Variants in DAGLA observed in about 807,000 individuals in gnomAD.
The protein encoded by DAGLA is diacylglycerol lipase alpha.
DAGLA carries 22 observed loss-of-function variants against 102.6 expected under a neutral mutation model. The ratio of observed to expected loss-of-function variants is 0.21; its 90% CI spans 0.15 to 0.31. DAGLA has a LOEUF of 0.31. DAGLA is among the 10% of genes least tolerant of loss of function. The pLI, the probability that DAGLA is intolerant of heterozygous loss-of-function variation, is 1.00. For synonymous variants in DAGLA, 578 were observed against 628.9 expected (o/e 0.92, Z 1.21); for missense variants, 927 against 1,446.6 (o/e 0.64, Z 5.83).
intron 16 of DAGLA, among the ~76,000 whole-genome samples, chr11:61,739,048 T>C (rs1362522980): frequency 6.6e-6 from 1 of 152,200 alleles, no homozygotes; most frequent in Admixed American, 6.5e-5. Context: ...AGATTAGTCC[T>C]GGGCTTTTGT....
chr11:61,739,309 A>T (rs1591053901), intron 16 of DAGLA, among the ~76,000 whole-genome samples, 156 bp from the exon 17 acceptor site: 1 of 151,834 alleles, frequency 6.6e-6, no homozygotes, highest in Non-Finnish European at 1.5e-5. Context: ...GTGGGCACCG[A>T]CCTTTAATGC....
chr11:61,700,077 G>GCAGT (rs1280525226), intron 1 of DAGLA, among the ~76,000 whole-genome samples: 1 of 152,230 alleles, frequency 6.6e-6, no homozygotes, highest in Non-Finnish European at 1.5e-5. Flanking sequence ...ATGTGACTTG[G>GCAGT]CAGTGCCTGG....
chr11:61,737,877 G>C, intron 15 of DAGLA, 122 bp downstream of exon 15: 1 of 846,514 alleles, frequency 1.2e-6, no homozygotes, highest in Non-Finnish European at 1.9e-6. Flanking sequence ...GGGACCCCAC[G>C]CCCCTCCCCA....
At position 61,743,950 on chromosome 11, in the gene DAGLA, G is replaced by C; in HGVS notation, c.2590G>C (p.Gly864Arg). ...CCTGGAGGCGGCCCTGGGCAGTGGC[G>C]GCGTCACTCCTGAGCGGCCCCCCAG... is the stretch of plus-strand genomic sequence containing the variant. ...QPLEAALGSG[G>R]VTPERPPSAA... Residue 864 changes from glycine to arginine, a missense_variant, in exon 20 of 20, where the codon GGC becomes CGC. Gly to Arg is a moderately radical substitution (Grantham distance 125). This residue lies in a region of DAGLA where 434 missense variants were observed against 503.3 expected (regional missense o/e 0.86). Coordinates refer to ENST00000257215, the MANE Select transcript of DAGLA (RefSeq NM_006133.3). 6.2e-7 allele frequency: 1 copy of C among 1,611,916 alleles called. No homozygotes were observed. Among genetic ancestry groups the C allele is most frequent in the Non-Finnish European group, 8.5e-7 (1 of 1,179,682 alleles).
chr11:61,688,496 G>A (rs1271896357), intron 1 of DAGLA, among the ~76,000 whole-genome samples: 2 of 152,190 alleles, frequency 1.3e-5, no homozygotes, highest in African/African-American at 4.8e-5. Flanking sequence ...GAACTTGCTT[G>A]AGGAACCTGT....
At chr11:61,681,010 T>C (rs145858715) in intron 1 of DAGLA, among the ~76,000 whole-genome samples, 118 of 152,142 alleles carry the variant, frequency 7.8e-4, no homozygotes, top group African/African-American at 2.8e-3. Context: ...GAAGAATTGG[T>C]GTTCTCAGCA....
At chr11:61,694,365 C>A (rs1282108834) in intron 1 of DAGLA, among the ~76,000 whole-genome samples, 1 of 152,244 alleles carries the variant, frequency 6.6e-6, no homozygotes, top group African/African-American at 2.4e-5. Flanking sequence ...GCAGGGCTCT[C>A]CAGTCAAGGG....
chr11:61,723,641 C>T (rs1591043382), intron 5 of DAGLA, 69 bp downstream of exon 5: 1 of 1,569,600 alleles, frequency 6.4e-7, no homozygotes, highest in East Asian at 2.3e-5. Context: ...GGTCTCCATT[C>T]TTCAGAAGGC....
In DAGLA at chr11:61,744,338, C is replaced by A; in HGVS notation, c.2978C>A (p.Pro993Gln). The change falls in exon 20 of 20, where the codon CCG (proline) becomes CAG (glutamine). Residue 993 changes from proline to glutamine, a missense_variant. By Grantham distance (76) the Pro-to-Gln change is moderately conservative (BLOSUM62 -1). Coordinates refer to ENST00000257215, the MANE Select transcript of DAGLA (RefSeq NM_006133.3). ...SSGISLSPSF[P>Q]LSSSGELMDL... ...GGCATCTCACTCTCGCCCTCCTTCC[C>A]GCTCAGCTCCTCGGGTGAGCTCATG... is the stretch of plus-strand genomic sequence containing the variant. 1.2e-6 allele frequency: 2 copies of A among 1,612,670 alleles called. No homozygotes were observed. Among genetic ancestry groups the A allele is most frequent in the East Asian group, 2.2e-5 (1 of 44,844 alleles).
At chr11:61,701,815 C>T (rs1269527523) in intron 1 of DAGLA, among the ~76,000 whole-genome samples, 2 of 152,128 alleles carry the variant, frequency 1.3e-5, no homozygotes, top group East Asian at 3.9e-4. Context: ...TGCTCTGTCA[C>T]CCAGGCTTCA....
At chr11:61,682,107 C>G (rs1057499586) in intron 1 of DAGLA, among the ~76,000 whole-genome samples, 1 of 152,078 alleles carries the variant, frequency 6.6e-6, no homozygotes, top group Non-Finnish European at 1.5e-5. Context: ...TCCCTATAAC[C>G]GGAGCACTGT....
intron 16 of DAGLA, among the ~76,000 whole-genome samples, chr11:61,738,826 CT>C (rs1319024700): frequency 6.6e-6 from 1 of 152,106 alleles, no homozygotes; most frequent in African/African-American, 2.4e-5. Flanking sequence ...TCCTCACCCC[CT>C]GCCCCCCGCC....
Position 61,735,014 on chromosome 11 carries a change from C to G in DAGLA, c.1128+12C>G, listed in dbSNP as rs2065411830. Reference sequence around the variant, plus strand: ...CCTGCCATGATGCGGTGAGGCCGGGCAGGGCTGGGGCCTGGTGTCAGGAGC... The same window carrying G: ...CCTGCCATGATGCGGTGAGGCCGGGGAGGGCTGGGGCCTGGTGTCAGGAGC... On this transcript the variant is annotated intron_variant, in intron 10 of 19. Transcript: ENST00000257215. 1 of 1,611,436 alleles carries G rather than the reference C, an allele frequency of 6.2e-7. No individual in the cohort carries two copies. The highest frequency in any genetic ancestry group is 2.2e-5 in the East Asian group (1 of 44,814).
chr11:61,720,036 C>G, intron 1 of DAGLA, 76 bp from the exon 2 acceptor site: 1 of 1,012,364 alleles, frequency 9.9e-7, no homozygotes, highest in Non-Finnish European at 1.5e-6. Context: ...GGACTGGTCC[C>G]GTGGCCCAAG....
intron 9 of DAGLA, among the ~76,000 whole-genome samples, chr11:61,732,363 C>T (rs1417082847): frequency 6.6e-6 from 1 of 152,202 alleles, no homozygotes; most frequent in Non-Finnish European, 1.5e-5. Flanking sequence ...GACTAGAGCA[C>T]CTCATGCCCC....
At chr11:61,741,000 C>T (rs776270798) in intron 18 of DAGLA, among the ~76,000 whole-genome samples, 162 bp from the exon 19 acceptor site, 75 of 152,232 alleles carry the variant, frequency 4.9e-4, no homozygotes, top group Non-Finnish European at 9.6e-4. Flanking sequence ...GGGCAAGTCT[C>T]AGGCCTTGGG....
intron 1 of DAGLA, among the ~76,000 whole-genome samples, chr11:61,708,684 C>T (rs558340309): frequency 4.6e-5 from 7 of 152,284 alleles, no homozygotes; most frequent in Middle Eastern, 6.8e-3. Context: ...CGCCCAGCCT[C>T]ACACTTTACA....
At chr11:61,737,862 C>G in intron 15 of DAGLA, 107 bp downstream of exon 15, 3 of 1,022,232 alleles carry the variant, frequency 2.9e-6, no homozygotes, top group Non-Finnish European at 4.5e-6. Context: ...ATTCCTGTCT[C>G]TCAAGGGACC....
intron 5 of DAGLA, among the ~76,000 whole-genome samples, chr11:61,724,363 T>G (rs1211039362): frequency 6.6e-6 from 1 of 152,206 alleles, no homozygotes; most frequent in Non-Finnish European, 1.5e-5. Flanking sequence ...CCAAGCCCTT[T>G]ACGCAATTCA....
Sources: allele counts gnomAD v4.1 joint callset (sites outside exome capture counted in the v4.1 genomes callset), GRCh38; gene constraint gnomAD v4.1.1; regional missense constraint gnomAD v4.1.1; transcripts MANE v1.5; gene names NCBI Gene and HGNC (gene_info 2026-07-23, HGNC 2026-07-21).